Variants in MTFR1 observed in about 807,000 individuals in gnomAD.
The protein encoded by MTFR1 is mitochondrial fission regulator 1.
MTFR1 carries 28 observed loss-of-function variants against 38.8 expected under a neutral mutation model. That is an observed-to-expected ratio of 0.72 (90% CI 0.53 to 0.99). MTFR1 has a LOEUF of 0.99. MTFR1 is among the 50% of genes least tolerant of loss of function. The pLI, the probability that MTFR1 is intolerant of heterozygous loss-of-function variation, is 0.00. For missense variants in MTFR1, 358 were observed against 395.5 expected (o/e 0.91, Z 0.81); for synonymous variants, 145 against 137.0 (o/e 1.06, Z -0.41).
At chr8:65,740,325 A>T (rs1807357841) in intron 3 of MTFR1, among the ~76,000 whole-genome samples, 1 of 152,234 alleles carries the variant, frequency 6.6e-6, no homozygotes, top group Admixed American at 6.5e-5. Context: ...TTAAACTTTC[A>T]ACATACTTAG....
At chr8:65,712,029 A>C (rs1160786908), downstream of MTFR1, among the ~76,000 whole-genome samples, 3 of 152,238 alleles carry the variant, frequency 2.0e-5, no homozygotes, top group African/African-American at 7.2e-5. Flanking sequence ...TTTGGGGAGA[A>C]AGGCCAGACT....
At chr8:65,680,821 G>A (rs1423547894) in intron 2 of MTFR1, among the ~76,000 whole-genome samples, 2 of 150,756 alleles carry the variant, frequency 1.3e-5, no homozygotes, top group South Asian at 2.1e-4. Context: ...ACAAGGTCTC[G>A]CTTTGTCACC....
At chr8:65,670,056 T>C in intron 2 of MTFR1, 38 bp downstream of exon 2, 2 of 1,534,098 alleles carry the variant, frequency 1.3e-6, no homozygotes, top group East Asian at 4.6e-5. Context: ...TCCCGACATT[T>C]AGATATTTTA....
At chr8:65,705,711 G>A (rs1805763641) in intron 5 of MTFR1, among the ~76,000 whole-genome samples, 1 of 152,164 alleles carries the variant, frequency 6.6e-6, no homozygotes, top group South Asian at 2.1e-4. Context: ...CTAAAATGGG[G>A]ATAATAGTAC....
chr8:65,735,774 T>G (rs1172567051), intron 3 of MTFR1, among the ~76,000 whole-genome samples: 2 of 152,106 alleles, frequency 1.3e-5, no homozygotes, highest in African/African-American at 4.8e-5. Flanking sequence ...TACAGGCACC[T>G]GCCATCATGC....
chr8:65,655,091 T>G (rs1809219665), intron 1 of MTFR1, among the ~76,000 whole-genome samples: 1 of 152,230 alleles, frequency 6.6e-6, no homozygotes, highest in African/African-American at 2.4e-5. Context: ...ATTTTAAAAT[T>G]TATGCCTCAG....
At chr8:65,746,209 C>G (rs1322374830) in intron 3 of MTFR1, among the ~76,000 whole-genome samples, 1 of 151,660 alleles carries the variant, frequency 6.6e-6, no homozygotes, top group East Asian at 1.9e-4. Flanking sequence ...GCTAGGATTA[C>G]AGGCATGAGC....
chr8:65,677,035 T>A (rs1165815617), intron 2 of MTFR1, among the ~76,000 whole-genome samples: 1 of 150,476 alleles, frequency 6.6e-6, no homozygotes, highest in East Asian at 2.0e-4. Context: ...TTTTCATAGA[T>A]AAAGCATGGT....
chr8:65,757,018 T>C (rs1297909071), intron 3 of MTFR1, among the ~76,000 whole-genome samples: 1 of 152,162 alleles, frequency 6.6e-6, no homozygotes, highest in Non-Finnish European at 1.5e-5. Flanking sequence ...GGTGCACCAC[T>C]CTCCAGGAAC....
At position 65,770,853 on chromosome 8, in the gene MTFR1, TTTG is replaced by T. The variant is rs372444509; in HGVS notation, c.*49-91_*49-89del. 4.4e-3 allele frequency: 694 copies of T among 156,528 alleles called. 4 individuals are homozygous for T. The highest frequency in any genetic ancestry group is 7.5e-3 in the Non-Finnish European group (520 of 69,450). 9.7% of individuals were successfully genotyped at this position (156,528 alleles called of 1,614,324 possible). A position where few individuals can be genotyped will look rare whatever the true frequency, so the allele number is the denominator to read the frequency against. ...CCTAAGTTTCTAAATTTGATAGGAA[TTTG>T]TTTAGATGTGAGGTTTAGCATTGTT... On this transcript the variant is annotated intron_variant, in intron 3 of 3. Transcript: ENST00000521247.
chr8:65,758,362 G>C (rs1808332703), intron 3 of MTFR1, among the ~76,000 whole-genome samples: 1 of 152,166 alleles, frequency 6.6e-6, no homozygotes, highest in Admixed American at 6.5e-5. Context: ...TAGGACTACT[G>C]TATCAGGTAA....
intron 3 of MTFR1, among the ~76,000 whole-genome samples, chr8:65,692,965 G>A (rs1214782288): frequency 1.4e-5 from 2 of 146,794 alleles, no homozygotes; most frequent in Non-Finnish European, 3.0e-5. Context: ...GCACGATCTC[G>A]GCTCACCGCA....
intron 3 of MTFR1, among the ~76,000 whole-genome samples, chr8:65,731,405 G>A (rs1806881156): frequency 6.6e-6 from 1 of 152,076 alleles, no homozygotes; most frequent in African/African-American, 2.4e-5. Context: ...TTTATCTCTG[G>A]GACATGTAAG....
chr8:65,777,502 T>C, the MTFR1 span, among the ~76,000 whole-genome samples: 1 of 152,332 alleles, frequency 6.6e-6, no homozygotes, highest in South Asian at 2.1e-4. Flanking sequence ...ATAGATATAA[T>C]TTGATAATAT....
At chr8:65,761,543 T>C (rs1294399041) in intron 3 of MTFR1, among the ~76,000 whole-genome samples, 3 of 152,226 alleles carry the variant, frequency 2.0e-5, no homozygotes, top group African/African-American at 7.2e-5. Context: ...CAATCCAGCT[T>C]AGAAAGCCAA....
At chr8:65,649,889 AG>A (rs1178759873) in intron 1 of MTFR1, among the ~76,000 whole-genome samples, 2 of 149,378 alleles carry the variant, frequency 1.3e-5, no homozygotes, top group Non-Finnish European at 1.5e-5. Context: ...CCAAGGCTGC[AG>A]TGCAGTGGCG....
chr8:65,727,065 C>T, intron 3 of MTFR1: 1 of 1,000,994 alleles, frequency 1.0e-6, no homozygotes, highest in South Asian at 1.4e-5. Context: ...GGTTAAAATT[C>T]TAACATTCAT....
chr8:65,705,750 A>G (rs556111847), intron 5 of MTFR1, among the ~76,000 whole-genome samples: 1 of 152,370 alleles, frequency 6.6e-6, no homozygotes, highest in East Asian at 1.9e-4. Flanking sequence ...GTGAGAATAA[A>G]TATGGAAAGT....
chr8:65,734,839 A>G, intron 3 of MTFR1: 2 of 1,612,654 alleles, frequency 1.2e-6, no homozygotes, highest in Non-Finnish European at 1.7e-6. Context: ...TAACATCCGC[A>G]GCGTGGACTG....
Sources: allele counts gnomAD v4.1 joint callset (sites outside exome capture counted in the v4.1 genomes callset), GRCh38; gene constraint gnomAD v4.1.1; transcripts MANE v1.5; gene names NCBI Gene and HGNC (gene_info 2026-07-23, HGNC 2026-07-21).